Variants in FBXO11 observed in about 807,000 individuals in gnomAD.
FBXO11 encodes the protein F-box protein 11.
FBXO11 carries 13 observed loss-of-function variants against 117.0 expected under a neutral mutation model. The ratio of observed to expected loss-of-function variants is 0.11; its 90% confidence interval spans 0.07 to 0.18. The LOEUF is 0.18. Among genes scored for constraint, FBXO11 ranks in the 10% least tolerant of loss-of-function variants. FBXO11 has a pLI of 1.00. For missense variants in FBXO11, 767 were observed against 1,164.4 expected (o/e 0.66, Z 4.97); for synonymous variants, 490 against 380.5 (o/e 1.29, Z -3.35).
At chr2:47,819,495 T>A (rs1449973363) in intron 14 of FBXO11, among the ~76,000 whole-genome samples, 1 of 152,222 alleles carries the variant, frequency 6.6e-6, no homozygotes, top group African/African-American at 2.4e-5. Flanking sequence ...ATTACAGGTG[T>A]GAGCCACCGC....
chr2:47,901,132 T>TATATAC (rs1678256747), intron 1 of FBXO11, among the ~76,000 whole-genome samples: 1 of 104,436 alleles, frequency 9.6e-6, no homozygotes, highest in Non-Finnish European at 2.1e-5. Flanking sequence ...TGTGTACATG[T>TATATAC]ATATATATAC....
rs1234933447 is a variant in FBXO11 at position 47,905,474 on chromosome 2, G to A, written c.232+15C>T. ...GCCCGGGAAGGCGGGCGGTTGGGAG[G>A]TAGCGCGGCCTTACCCCGCTCGCCG... On this transcript the variant is annotated intron_variant, in intron 1 of 22. Coordinates refer to ENST00000403359, the MANE Select transcript of FBXO11 (RefSeq NM_001190274.2). 8.2e-7 allele frequency: 1 copy of A among 1,223,380 alleles called. No individual in the cohort carries two copies. The highest frequency in any genetic ancestry group is 1.0e-6 in the Non-Finnish European group (1 of 982,620). 75.8% of individuals were successfully genotyped at this position (1,223,380 alleles called of 1,614,324 possible).
chr2:47,838,172 G>C (rs917970894), intron 4 of FBXO11, among the ~76,000 whole-genome samples: 1 of 152,046 alleles, frequency 6.6e-6, no homozygotes, highest in South Asian at 2.1e-4. Context: ...GGTTGAGGCT[G>C]CAGTGAGCTA....
chr2:47,821,682 G>C (rs1671397978), intron 13 of FBXO11, among the ~76,000 whole-genome samples: 1 of 152,078 alleles, frequency 6.6e-6, no homozygotes, highest in Non-Finnish European at 1.5e-5. Context: ...CTACTCTGGA[G>C]GCTGAGGCAT....
chr2:47,864,311 G>T (rs578183480), intron 1 of FBXO11, among the ~76,000 whole-genome samples: 1 of 152,222 alleles, frequency 6.6e-6, no homozygotes, highest in Non-Finnish European at 1.5e-5. Context: ...GAATTGGCTG[G>T]GCGTGGTGGC....
In FBXO11 at chr2:47,905,480, C is replaced by A; in HGVS notation, c.232+9G>T. 3.3e-6 allele frequency: 4 copies of A among 1,217,714 alleles called. No homozygotes were observed. The highest frequency in any genetic ancestry group is 4.1e-6 in the Non-Finnish European group (4 of 978,562). 75.4% of individuals were successfully genotyped at this position (1,217,714 alleles called of 1,614,324 possible). A position where few individuals can be genotyped will look rare whatever the true frequency, so the allele number is the denominator to read the frequency against. ...GAAGGCGGGCGGTTGGGAGGTAGCG[C>A]GGCCTTACCCCGCTCGCCGACGTTG... On this transcript the variant is annotated intron_variant, in intron 1 of 22. Coordinates refer to ENST00000403359, the MANE Select transcript of FBXO11 (RefSeq NM_001190274.2).
At chr2:47,837,992 G>A (rs139057566) in intron 4 of FBXO11, among the ~76,000 whole-genome samples, 10,757 of 150,996 alleles carry the variant, frequency 0.071, 547 homozygotes, top group Non-Finnish European at 0.11. Context: ...TTGGGCGGCC[G>A]AGGTAGAAGG....
At chr2:47,812,410 G>T (rs1401793445) in intron 18 of FBXO11, among the ~76,000 whole-genome samples, 1 of 152,184 alleles carries the variant, frequency 6.6e-6, no homozygotes, top group Non-Finnish European at 1.5e-5. Flanking sequence ...GCTCAAAAGT[G>T]ATTTGACTTG....
chr2:47,832,682 T>C lies in FBXO11; in HGVS notation c.1154-4A>G. On this transcript the variant is annotated splice_polypyrimidine_tract_variant and splice_region_variant and intron_variant, in intron 9 of 22. Coordinates refer to ENST00000403359, the MANE Select transcript of FBXO11 (RefSeq NM_001190274.2). ...CTAACACATACTGCAGAACCAACTG[T>C]AGAAAAATTATTTATTTATGTAAAA... The C allele has an allele frequency of 6.2e-7, 1 of 1,612,740 alleles. No individual in the cohort carries two copies. Among genetic ancestry groups the C allele is most frequent in the South Asian group, 1.1e-5 (1 of 90,906 alleles).
intron 1 of FBXO11, among the ~76,000 whole-genome samples, chr2:47,846,694 TAA>T (rs1244588925): frequency 2.0e-5 from 3 of 152,020 alleles, no homozygotes; most frequent in Non-Finnish European, 4.4e-5. Context: ...CATTAAAAAA[TAA>T]AACAGTGAAA....
rs188192253 is a variant in FBXO11, at chr2:47,886,863, T to A, written c.232+18626A>T. Among the ~76,000 whole-genome samples, 379 of 150,656 alleles carry A rather than the reference T, an allele frequency of 2.5e-3. 11 individuals carry two copies. The East Asian group carries it at 0.067, about 27-fold the overall frequency. ...AGCCTGTGCAACACAATGAGACCCCTGTCTCTACCAAAAAAAAAATTAAAA... is the reference window on the plus strand; with the variant it reads ...AGCCTGTGCAACACAATGAGACCCCAGTCTCTACCAAAAAAAAAATTAAAA... On this transcript the variant is annotated intron_variant, in intron 1 of 22. Transcript: ENST00000403359.
chr2:47,843,136 G>T lies in FBXO11; in HGVS notation c.233-3367C>A, dbSNP rs138247392. Among the ~76,000 whole-genome samples the T allele has an allele frequency of 1.2e-4, 19 of 152,308 alleles. No individual in the cohort carries two copies. The East Asian group carries it at 3.7e-3, about 29-fold the overall frequency. On this transcript the variant is annotated intron_variant, in intron 1 of 22. Transcript: ENST00000403359. ...AGGAATCACAAAAAGCAGCCAGTAT[G>T]ATACGCCTAGGCATTTGTGGAACTC...
Position 47,840,853 on chromosome 2 carries a change from TAA to T in FBXO11, c.233-1086_233-1085del, listed in dbSNP as rs544206772. On this transcript the variant is annotated intron_variant, in intron 1 of 22. Transcript: ENST00000403359. ...GAGTTCATAATAATACTTTAAAAAT[TAA>T]AAAAAAAAAAAGATTATTTGAAAGA... Among the ~76,000 whole-genome samples the T allele has an allele frequency of 3.1e-4, 43 of 137,096 alleles. 1 individual carries two copies. Among genetic ancestry groups the T allele is most frequent in the African/African-American group, 8.6e-4 (32 of 37,042 alleles). The allele number at this position is 137,096 out of a possible 152,430, so 89.9% of individuals were successfully genotyped here. A position where few individuals can be genotyped will look rare whatever the true frequency, so the allele number is the denominator to read the frequency against.
At chr2:47,809,060 T>C in intron 21 of FBXO11, 98 bp downstream of exon 21, 2 of 693,148 alleles carry the variant, frequency 2.9e-6, no homozygotes, top group Non-Finnish European at 2.5e-6. Context: ...TTAGTTATAG[T>C]CTCAACACCG....
chr2:47,861,725 C>G (rs146083100), intron 1 of FBXO11, among the ~76,000 whole-genome samples: 1 of 152,154 alleles, frequency 6.6e-6, no homozygotes, highest in East Asian at 1.9e-4. Flanking sequence ...GGGAAAGAGA[C>G]GTCCTTCTCT....
chr2:47,905,408 C>T, intron 1 of FBXO11, 81 bp downstream of exon 1: 2 of 811,612 alleles, frequency 2.5e-6, no homozygotes, highest in Non-Finnish European at 1.5e-6. Context: ...CCGCCCCCGC[C>T]CGCCCGCCCG....
chr2:47,846,156 G>A (rs1307587914), intron 1 of FBXO11, among the ~76,000 whole-genome samples: 1 of 152,200 alleles, frequency 6.6e-6, no homozygotes, highest in Non-Finnish European at 1.5e-5. Flanking sequence ...GTGCCAACAA[G>A]TCTAAAAGCA....
At chr2:47,901,058 T>C (rs115477629) in intron 1 of FBXO11, among the ~76,000 whole-genome samples, 44,709 of 127,020 alleles carry the variant, frequency 0.35, 8,787 homozygotes, top group East Asian at 0.71. Context: ...TATACACATA[T>C]ATATGTATAT....
At chr2:47,888,998 G>A (rs924223589) in intron 1 of FBXO11, among the ~76,000 whole-genome samples, 1 of 152,096 alleles carries the variant, frequency 6.6e-6, no homozygotes, top group South Asian at 2.1e-4. Flanking sequence ...GTAATTATAT[G>A]AACACACCTT....
Sources: allele counts gnomAD v4.1 joint callset (sites outside exome capture counted in the v4.1 genomes callset), GRCh38; gene constraint gnomAD v4.1.1; transcripts MANE v1.5; gene names NCBI Gene and HGNC (gene_info 2026-07-23, HGNC 2026-07-21).